BRIP1: variants seen among roughly 807,000 people sequenced by gnomAD.
BRIP1 encodes the protein Fanconi anemia group J protein.
A neutral mutation model predicts 119.7 loss-of-function variants in BRIP1; 88 were observed. That is an observed-to-expected ratio of 0.74 (90% CI 0.62 to 0.88). The LOEUF is 0.88. Among genes scored for constraint, BRIP1 ranks in the 40% least tolerant of loss-of-function variants. The pLI is 0.00. For missense variants in BRIP1, 1,259 were observed against 1,455.4 expected, an observed-to-expected ratio of 0.87 and a Z score of 2.20; for synonymous variants, 443 against 496.5, an observed-to-expected ratio of 0.89 and a Z score of 1.43.
At chr17:61,835,109 A>G (rs1265319220) in intron 6 of BRIP1, among the ~76,000 whole-genome samples, 1 of 151,726 alleles carries the variant, frequency 6.6e-6, no homozygotes, top group East Asian at 1.9e-4. Flanking sequence ...GTGGTTCCCA[A>G]ATTTTCTCTT....
Position 61,742,915 on chromosome 17 carries a change from T to C in BRIP1, c.2379+98A>G, listed in dbSNP as rs1420282926. Reference sequence around the variant, plus strand: ...ACCTTCAATTTGTAAAAAAGCACTATAAAAGCAAAGCGCAATAAAATGAGG... The same window carrying C: ...ACCTTCAATTTGTAAAAAAGCACTACAAAAGCAAAGCGCAATAAAATGAGG... On this transcript the variant is annotated intron_variant, in intron 16 of 19. Transcript: ENST00000259008. The surrounding 1 kb of genome is among the most constrained non-coding windows in gnomAD (Gnocchi z 4.7). 3 of 1,495,984 alleles carry C rather than the reference T, an allele frequency of 2.0e-6. No homozygotes were observed. The highest frequency in any genetic ancestry group is 3.4e-5 in the Admixed American group (2 of 58,728). The allele number at this position is 1,495,984 out of a possible 1,614,324, so 92.7% of individuals were successfully genotyped here. A position where few individuals can be genotyped will look rare whatever the true frequency, so the allele number is the denominator to read the frequency against.
rs543020248 is a variant in BRIP1 at position 61,738,753 on chromosome 17, T to C, written c.2379+4260A>G. 6.6e-6 allele frequency among the ~76,000 whole-genome samples: 1 copy of C among 152,288 alleles called. No individual in the cohort carries two copies. Among genetic ancestry groups the C allele is most frequent in the South Asian group, 2.1e-4 (1 of 4,830 alleles). The stretch of plus-strand genomic sequence containing the variant: ...TTTAATTTTAAGAATTTTTGGAAAA[T>C]AATGAAGAATAACATAATAAATACC... On this transcript the variant is annotated intron_variant, in intron 16 of 19. Coordinates refer to ENST00000259008, the MANE Select transcript of BRIP1 (RefSeq NM_032043.3). The surrounding 1 kb of genome is among the most constrained non-coding windows in gnomAD (Gnocchi z 4.2).
At chr17:61,850,038 T>C (rs2145773986) in intron 4 of BRIP1, among the ~76,000 whole-genome samples, 1 of 152,316 alleles carries the variant, frequency 6.6e-6, no homozygotes, top group East Asian at 1.9e-4. Context: ...CCTTCCTCTT[T>C]GCTTCTCTCT....
At position 61,857,457 on chromosome 17, in the gene BRIP1, C is replaced by T. The variant is rs944136366; in HGVS notation, c.206-226G>A. Among the ~76,000 whole-genome samples the T allele has an allele frequency of 1.3e-5, 2 of 152,174 alleles. No homozygotes were observed. The highest frequency in any genetic ancestry group is 4.8e-5 in the African/African-American group (2 of 41,456). ...AAAAACATTTGGTTGGACACAGTGG[C>T]TCACGCCTGTTATCCTAGCACTTTG... is the stretch of plus-strand genomic sequence containing the variant. On this transcript the variant is annotated intron_variant, in intron 3 of 19. Coordinates refer to ENST00000259008, the MANE Select transcript of BRIP1 (RefSeq NM_032043.3). This position sits in a 1 kb window ranked among gnomAD's most constrained non-coding sequence, Gnocchi z 5.1.
rs939279365 is a variant in BRIP1 at position 61,722,799 on chromosome 17, A to AT, written c.2380-6737dup. 6.6e-6 allele frequency among the ~76,000 whole-genome samples: 1 copy of AT among 152,158 alleles called. No homozygotes were observed. On this transcript the variant is annotated intron_variant, in intron 16 of 19. Coordinates refer to ENST00000259008, the MANE Select transcript of BRIP1 (RefSeq NM_032043.3). The surrounding 1 kb of genome is among the most constrained non-coding windows in gnomAD (Gnocchi z 4.6). ...TCTATTTTTCATTAACATAATTAAA[A>AT]TTTTCTGTATGGCTACATTGTTTTA... is the stretch of plus-strand genomic sequence containing the variant.
At position 61,684,509 on chromosome 17, in the gene BRIP1, A is replaced by G. The variant is rs2061332083; in HGVS notation, c.2906-369T>C. 6.6e-6 allele frequency among the ~76,000 whole-genome samples: 1 copy of G among 152,148 alleles called. No individual in the cohort carries two copies. Among genetic ancestry groups the G allele is most frequent in the South Asian group, 2.1e-4 (1 of 4,830 alleles). ...ACTAACCAGTGACTGAGAAAAACTT[A>G]CCTAGACTAATTCTTTTATTTAATA... On this transcript the variant is annotated intron_variant, in intron 19 of 19. Coordinates refer to ENST00000259008, the MANE Select transcript of BRIP1 (RefSeq NM_032043.3). The surrounding 1 kb of genome is among the most constrained non-coding windows in gnomAD (Gnocchi z 4.5).
intron 6 of BRIP1, among the ~76,000 whole-genome samples, chr17:61,826,127 C>T (rs1021450158): frequency 6.6e-6 from 1 of 152,148 alleles, no homozygotes; most frequent in African/African-American, 2.4e-5. Flanking sequence ...CTTGAACAAA[C>T]CTACCAAAAA....
rs748001678 is a variant in BRIP1, at chr17:61,799,287, G to A, written c.1153C>T (p.Leu385=). 1.9e-6 allele frequency: 3 copies of A among 1,611,828 alleles called. No individual in the cohort carries two copies. The highest frequency in any genetic ancestry group is 2.2e-5 in the South Asian group (2 of 90,962). The stretch of plus-strand genomic sequence containing the variant: ...TCTAAAATGACAACCTGTTCTTTCA[G>A]ATTTAAATCCATCTATAAGATAAAA... ...AQIRESMDLN[L]KEQVVILDEA... The change falls in exon 9 of 20, where the codon CTG becomes TTG. Residue 385 remains leucine, a synonymous_variant. Coordinates refer to ENST00000259008, the MANE Select transcript of BRIP1 (RefSeq NM_032043.3). The surrounding 1 kb of genome is among the most constrained non-coding windows in gnomAD (Gnocchi z 5.1).
chr17:61,764,717 TAA>T lies in BRIP1; in HGVS notation c.2097+11682_2097+11683del, dbSNP rs1473623237. ...TGTAAAATGTACAGTAAATTAATCATAAGTTATATTTAACTAATTTGTCTGTC... is the reference window on the plus strand; with the variant it reads ...TGTAAAATGTACAGTAAATTAATCATGTTATATTTAACTAATTTGTCTGTC... On this transcript the variant is annotated intron_variant, in intron 14 of 19. Coordinates refer to ENST00000259008, the MANE Select transcript of BRIP1 (RefSeq NM_032043.3). 3.9e-5 allele frequency among the ~76,000 whole-genome samples: 6 copies of T among 152,310 alleles called. No individual in the cohort carries two copies. The East Asian group carries it at 7.7e-4, about 20-fold the overall frequency.
rs1567878177 is a variant in BRIP1, at chr17:61,861,497, T to A, written c.43A>T (p.Ile15Phe). 6.2e-7 allele frequency: 1 copy of A among 1,613,416 alleles called. No homozygotes were observed. The highest frequency in any genetic ancestry group is 8.5e-7 in the Non-Finnish European group (1 of 1,179,530). Residue 15 changes from isoleucine to phenylalanine, a missense_variant, in exon 2 of 20, where the codon ATT (isoleucine) becomes TTT (phenylalanine). Physicochemically the swap from Ile to Phe is conservative, Grantham distance 21 (BLOSUM62 0). Around this residue, in one of 3 missense-constraint regions of BRIP1, gnomAD observed 501 missense variants for 544.0 expected, o/e 0.92. Transcript: ENST00000259008. This position sits in a 1 kb window ranked among gnomAD's most constrained non-coding sequence, Gnocchi z 4.5. ...GGGTAAGCTTTATAAGGAAAGTAAA[T>A]CTTCACCCCACCAATTGTATATTCA... ...WSEYTIGGVK[I>F]YFPYKAYPSQ... is the part of the protein sequence containing the mutation.
rs371957514 is a variant in BRIP1, at chr17:61,729,346, A to G, written c.2380-13283T>C. ...AGGAAATCATTTGATTACAGTGAAC[A>G]GTATTTTCATAGTCATGATAATGTA... On this transcript the variant is annotated intron_variant, in intron 16 of 19. Coordinates refer to ENST00000259008, the MANE Select transcript of BRIP1 (RefSeq NM_032043.3). The surrounding 1 kb of genome is among the most constrained non-coding windows in gnomAD (Gnocchi z 5.6). 9.2e-5 allele frequency among the ~76,000 whole-genome samples: 14 copies of G among 152,154 alleles called. No individual in the cohort carries two copies. Among genetic ancestry groups the G allele is most frequent in the African/African-American group, 2.9e-4 (12 of 41,444 alleles).
chr17:61,836,721 A>T (rs763302172), intron 6 of BRIP1, among the ~76,000 whole-genome samples: 1 of 152,224 alleles, frequency 6.6e-6, no homozygotes, highest in Non-Finnish European at 1.5e-5. Flanking sequence ...CAAATAAATA[A>T]ATAATTATAA....
chr17:61,713,223 TTGATAA>T lies in BRIP1; in HGVS notation c.2492+2722_2492+2727del, dbSNP rs1362472887. 1.3e-5 allele frequency among the ~76,000 whole-genome samples: 2 copies of T among 152,338 alleles called. No homozygotes were observed. Among genetic ancestry groups the T allele is most frequent in the South Asian group, 2.1e-4 (1 of 4,830 alleles). On this transcript the variant is annotated intron_variant, in intron 17 of 19. Transcript: ENST00000259008. This position sits in a 1 kb window ranked among gnomAD's most constrained non-coding sequence, Gnocchi z 4.9. ...TACAATTATGTATGGTATATAATAC[TTGATAA>T]TGATAATAACTGTGTTACTGGTTTG...
At chr17:61,685,812 G>C (rs2144106923) in intron 19 of BRIP1, 24 bp downstream of exon 19, 3 of 1,558,980 alleles carry the variant, frequency 1.9e-6, no homozygotes, top group Non-Finnish European at 2.7e-6. Flanking sequence ...TCTATCAAAG[G>C]TAAATGGGAA....
chr17:61,847,732 A>G (rs1383599693), intron 5 of BRIP1, among the ~76,000 whole-genome samples: 2 of 152,218 alleles, frequency 1.3e-5, no homozygotes, highest in Non-Finnish European at 2.9e-5. Context: ...CTTTGATTAA[A>G]TTTCTTTTAT....
Position 61,778,859 on chromosome 17 carries a change from C to G in BRIP1, c.1935+1402G>C, listed in dbSNP as rs2077573465. The stretch of plus-strand genomic sequence containing the variant: ...AACTACCAAATGCCGTAGTTGCTCC[C>G]AAGTAATTGTGAGGACCAAAAATGT... On this transcript the variant is annotated intron_variant, in intron 13 of 19. Transcript: ENST00000259008. This position sits in a 1 kb window ranked among gnomAD's most constrained non-coding sequence, Gnocchi z 4.4. Among the ~76,000 whole-genome samples the G allele has an allele frequency of 1.3e-5, 2 of 152,134 alleles. No homozygotes were observed. The highest frequency in any genetic ancestry group is 4.8e-5 in the African/African-American group (2 of 41,432).
chr17:61,705,892 T>G lies in BRIP1; in HGVS notation c.2492+10059A>C, dbSNP rs1265085855. ...TGATTTCTAGTTTAAACTAGATTAC[T>G]AGTTTAATTCCATTACAGTCAGAGA... On this transcript the variant is annotated intron_variant, in intron 17 of 19. Coordinates refer to ENST00000259008, the MANE Select transcript of BRIP1 (RefSeq NM_032043.3). The surrounding 1 kb of genome is among the most constrained non-coding windows in gnomAD (Gnocchi z 5.0). Among the ~76,000 whole-genome samples, 1 of 152,204 alleles carries G rather than the reference T, an allele frequency of 6.6e-6. No homozygotes were observed. Among genetic ancestry groups the G allele is most frequent in the East Asian group, 1.9e-4 (1 of 5,200 alleles).
chr17:61,739,725 G>C lies in BRIP1; in HGVS notation c.2379+3288C>G, dbSNP rs76431541. Among the ~76,000 whole-genome samples the C allele has an allele frequency of 1.2e-3, 179 of 152,236 alleles. 4 individuals carry two copies. In the East Asian group the frequency reaches 0.031, roughly 26 times the overall value. ...GAGACCCTAACTGACTGTATCCTAG[G>C]GGGAGGGATATAGGTCATAATCAAT... On this transcript the variant is annotated intron_variant, in intron 16 of 19. Coordinates refer to ENST00000259008, the MANE Select transcript of BRIP1 (RefSeq NM_032043.3). This position sits in a 1 kb window ranked among gnomAD's most constrained non-coding sequence, Gnocchi z 6.0.
At chr17:61,719,069 A>G (rs1390078308) in intron 16 of BRIP1, among the ~76,000 whole-genome samples, 1 of 152,170 alleles carries the variant, frequency 6.6e-6, no homozygotes, top group African/African-American at 2.4e-5. Context: ...CCACAGATGC[A>G]GAACCCATAA....
Sources: allele counts gnomAD v4.1 joint callset (sites outside exome capture counted in the v4.1 genomes callset), GRCh38; gene constraint gnomAD v4.1.1; regional missense constraint gnomAD v4.1.1; non-coding constraint Gnocchi (gnomAD v3.1); transcripts MANE v1.5; gene names NCBI Gene and HGNC (gene_info 2026-07-23, HGNC 2026-07-21).